CFTR: variants seen among roughly 807,000 people sequenced by gnomAD.
CFTR encodes the protein cystic fibrosis transmembrane conductance regulator.
A neutral mutation model predicts 171.6 loss-of-function variants in CFTR; 181 were observed. The ratio of observed to expected loss-of-function variants is 1.05; its 90% CI spans 0.93 to 1.19. The LOEUF is 1.19. Among genes scored for constraint, CFTR ranks in the 50% most tolerant of loss-of-function variants. The pLI is 0.00. For missense variants in CFTR, 1,968 were observed against 1,734.7 expected (o/e 1.13, Z -2.39); for synonymous variants, 583 against 608.0 (o/e 0.96, Z 0.60).
chr7:117,639,223 G>C (rs1792876131), intron 22 of CFTR, among the ~76,000 whole-genome samples: 1 of 152,144 alleles, frequency 6.6e-6, no homozygotes, highest in African/African-American at 2.4e-5. Flanking sequence ...TTAATTTAAA[G>C]AACCTATACT....
chr7:117,510,735 C>A (rs141274158), intron 3 of CFTR, among the ~76,000 whole-genome samples: 67 of 152,216 alleles, frequency 4.4e-4, no homozygotes, highest in African/African-American at 1.5e-3. Flanking sequence ...GATACATGGA[C>A]ATATCTATAG....
At chr7:117,505,621 AG>A (rs1337114921) in intron 2 of CFTR, among the ~76,000 whole-genome samples, 5 of 152,168 alleles carry the variant, frequency 3.3e-5, no homozygotes, top group Non-Finnish European at 7.3e-5. Flanking sequence ...GAGACTCTTG[AG>A]TCATAGTGCT....
intron 22 of CFTR, among the ~76,000 whole-genome samples, chr7:117,638,965 A>G (rs1424620305): frequency 1.3e-5 from 2 of 152,074 alleles, no homozygotes; most frequent in East Asian, 1.9e-4. Context: ...GGATATCCCA[A>G]AACACTGCCA....
At chr7:117,553,149 G>C (rs532376252) in intron 10 of CFTR, among the ~76,000 whole-genome samples, 1 of 152,066 alleles carries the variant, frequency 6.6e-6, no homozygotes, top group Non-Finnish European at 1.5e-5. Context: ...CCAGCCTCCA[G>C]AACTGTGAGA....
chr7:117,488,133 CT>C (rs1335684579), intron 1 of CFTR, among the ~76,000 whole-genome samples: 1 of 152,118 alleles, frequency 6.6e-6, no homozygotes, highest in African/African-American at 2.4e-5. Flanking sequence ...ATATTTTCAG[CT>C]TTGTGGGCCA....
At position 117,485,535 on chromosome 7, in the gene CFTR, A is replaced by G. The variant is rs569807990; in HGVS notation, c.53+5388A>G. Among the ~76,000 whole-genome samples the G allele has an allele frequency of 1.2e-3, 179 of 152,314 alleles. 5 individuals carry two copies. The South Asian group carries it at 0.027, about 23-fold the overall frequency. On this transcript the variant is annotated intron_variant, in intron 1 of 26. Coordinates refer to ENST00000003084, the MANE Select transcript of CFTR (RefSeq NM_000492.4). ...AATCAATTTACCACATAGTTGTTTC[A>G]GTGTGAAATTAGCATTACAGAGTGG...
Position 117,536,514 on chromosome 7 carries a change from A to C in CFTR, c.744-34A>C, listed in dbSNP as rs897890349. 32 of 1,541,290 alleles carry C rather than the reference A, an allele frequency of 2.1e-5. No individual in the cohort carries two copies. The South Asian group carries it at 2.7e-4, about 13-fold the overall frequency. On this transcript the variant is annotated intron_variant, in intron 6 of 26. Transcript: ENST00000003084. ...GATAATTTGACTTGTTTTTACTATT[A>C]GATTGATTGATTGATTGATTGATTG... is the stretch of plus-strand genomic sequence containing the variant.
rs1422913967 is a variant in CFTR, at chr7:117,535,319, G to A, written c.651G>A (p.Glu217=). ...CACTCCTCATGGGGCTAATCTGGGA[G>A]TTGTTACAGGCGTCTGCCTTCTGTG... ...QVALLMGLIW[E]LLQASAFCGL... The change falls in exon 6 of 27, where the codon GAG becomes GAA. Residue 217 remains glutamate, a synonymous_variant. Coordinates refer to ENST00000003084, the MANE Select transcript of CFTR (RefSeq NM_000492.4). 1 of 1,614,152 alleles carries A rather than the reference G, an allele frequency of 6.2e-7. No individual in the cohort carries two copies. Among genetic ancestry groups the A allele is most frequent in the Non-Finnish European group, 8.5e-7 (1 of 1,180,010 alleles).
intron 23 of CFTR, among the ~76,000 whole-genome samples, chr7:117,646,106 T>C (rs1792991779): frequency 6.6e-6 from 1 of 152,176 alleles, no homozygotes; most frequent in Non-Finnish European, 1.5e-5. Flanking sequence ...ATTTGATTTC[T>C]CTGTGCCTCT....
chr7:117,574,270 A>G (rs1791740325), intron 11 of CFTR, among the ~76,000 whole-genome samples: 1 of 152,112 alleles, frequency 6.6e-6, no homozygotes, highest in Non-Finnish European at 1.5e-5. Flanking sequence ...AGGTAATCAG[A>G]ACAGGTACAG....
intron 11 of CFTR, among the ~76,000 whole-genome samples, chr7:117,584,561 T>G (rs534957485): frequency 6.6e-6 from 1 of 152,358 alleles, no homozygotes; most frequent in African/African-American, 2.4e-5. Context: ...CCAGGCTGTT[T>G]TAGTAACTAT....
At chr7:117,585,310 A>G (rs938882323) in intron 11 of CFTR, among the ~76,000 whole-genome samples, 1 of 152,002 alleles carries the variant, frequency 6.6e-6, no homozygotes, top group African/African-American at 2.4e-5. Context: ...AATTGCCTGC[A>G]CTGAGCTAGG....
In CFTR at chr7:117,590,362, C is replaced by A; in HGVS notation, c.1689C>A (p.Tyr563Ter). 1 of 1,602,704 alleles carries A rather than the reference C, an allele frequency of 6.2e-7. No homozygotes were observed. ...RARISLARAV[Y>*]KDADLYLLDS... ...TCCATTTTCTTTTTAGAGCAGTATA[C>A]AAAGATGCTGATTTGTATTTATTAG... The change falls in exon 13 of 27, where the codon TAC becomes TAA. Residue 563 changes from tyrosine (Y) to a stop codon, truncating the protein, a stop_gained. Coordinates refer to ENST00000003084, the MANE Select transcript of CFTR (RefSeq NM_000492.4). LOFTEE classifies it high-confidence loss of function.
At chr7:117,513,472 G>A (rs1297907646) in intron 3 of CFTR, among the ~76,000 whole-genome samples, 2 of 150,354 alleles carry the variant, frequency 1.3e-5, no homozygotes, top group African/African-American at 4.9e-5. Flanking sequence ...GGGAGAGCCT[G>A]GCTGCACTAA....
In CFTR at chr7:117,595,785, C is replaced by T. The variant is rs187888178; in HGVS notation, c.2619+727C>T. On this transcript the variant is annotated intron_variant, in intron 15 of 26. Transcript: ENST00000003084. ...TGTATGCTACCATTAACTAAGGAGG[C>T]TGAGGTGGGAGAATCGCTTGAGCCT... Among the ~76,000 whole-genome samples, 658 of 152,102 alleles carry T rather than the reference C, an allele frequency of 4.3e-3. 4 individuals are homozygous for T. The highest frequency in any genetic ancestry group is 6.3e-3 in the Admixed American group (96 of 15,280).
rs397508446 is a variant in CFTR, at chr7:117,603,735, A to G, written c.2861A>G (p.His954Arg). Residue 954 changes from histidine (H) to arginine (R), a missense_variant, in exon 17 of 27, where the codon CAT (histidine) becomes CGT (arginine). Coordinates refer to ENST00000003084, the MANE Select transcript of CFTR (RefSeq NM_000492.4). ...VSKILHHKML[H>R]SVLQAPMSTL... ...AAAATTTTACACCACAAAATGTTAC[A>G]TTCTGTTCTTCAAGCACCTATGTCA... The G allele has an allele frequency of 6.2e-7, 1 of 1,614,086 alleles. No homozygotes were observed. Among genetic ancestry groups the G allele is most frequent in the Non-Finnish European group, 8.5e-7 (1 of 1,179,966 alleles).
chr7:117,511,808 A>G (rs1470315902), intron 3 of CFTR, among the ~76,000 whole-genome samples: 2 of 152,210 alleles, frequency 1.3e-5, no homozygotes, highest in Non-Finnish European at 2.9e-5. Flanking sequence ...CAGTTTTTTC[A>G]GGATATCTGA....
Position 117,494,247 on chromosome 7 carries a change from A to AT in CFTR, c.54-9996dup, listed in dbSNP as rs4148684. ...ACTATATCAGGTGGAATTACACAGTATTTTTTTTTTAATTTTGGGGAAAGT... is the reference window on the plus strand; with the variant it reads ...ACTATATCAGGTGGAATTACACAGTATTTTTTTTTTTAATTTTGGGGAAAGT... On this transcript the variant is annotated intron_variant, in intron 1 of 26. Coordinates refer to ENST00000003084, the MANE Select transcript of CFTR (RefSeq NM_000492.4). Among the ~76,000 whole-genome samples the AT allele has an allele frequency of 1.3e-3, 199 of 150,220 alleles. 5 individuals carry two copies. Among genetic ancestry groups the AT allele is most frequent in the Middle Eastern group, 7.0e-3 (2 of 286 alleles).
At chr7:117,573,021 G>A (rs1441894068) in intron 11 of CFTR, among the ~76,000 whole-genome samples, 2 of 150,730 alleles carry the variant, frequency 1.3e-5, no homozygotes, top group Non-Finnish European at 2.9e-5. Context: ...ACCATTAAAT[G>A]TAACACTCCA....
Sources: gnomAD v4.1 joint callset for allele counts (sites outside exome capture counted in the v4.1 genomes callset) on GRCh38, gnomAD v4.1.1 for gene constraint, MANE v1.5 for transcripts, NCBI Gene and HGNC (gene_info 2026-07-23, HGNC 2026-07-21) for gene names.